Variants in PCCA observed in about 807,000 individuals in gnomAD.
PCCA encodes propionyl-CoA carboxylase subunit alpha, also known as propionyl-CoA carboxylase alpha chain, mitochondrial.
PCCA carries 74 observed loss-of-function variants against 101.3 expected under a neutral mutation model. The ratio of observed to expected loss-of-function variants is 0.73; its 90% CI spans 0.61 to 0.89. PCCA has a LOEUF of 0.89. PCCA is among the 40% of genes least tolerant of loss of function. The probability of loss-of-function intolerance (pLI) is 0.00; values close to 1 mark genes in which losing one functional copy is unlikely to be tolerated. For synonymous variants in PCCA, 294 were observed against 313.6 expected, an observed-to-expected ratio of 0.94 and a Z score of 0.66; for missense variants, 891 against 907.0, an observed-to-expected ratio of 0.98 and a Z score of 0.23.
In PCCA at chr13:100,283,514, C is replaced by T. The variant is rs193169109; in HGVS notation, c.1065+10168C>T. On this transcript the variant is annotated intron_variant, in intron 12 of 23. Transcript: ENST00000376285. Reference sequence around the variant, plus strand: ...GGAGGCCTTAAGAAAATATACTCCCCTGTCACCCGAATCACTTGAGGGTCA... The same window carrying T: ...GGAGGCCTTAAGAAAATATACTCCCTTGTCACCCGAATCACTTGAGGGTCA... Among the ~76,000 whole-genome samples the T allele has an allele frequency of 3.4e-3, 516 of 152,338 alleles. 4 individuals carry two copies. The highest frequency in any genetic ancestry group is 0.012 in the African/African-American group (497 of 41,572).
At chr13:100,175,421 T>G (rs1050009814) in intron 6 of PCCA, among the ~76,000 whole-genome samples, 6 of 152,234 alleles carry the variant, frequency 3.9e-5, no homozygotes, top group African/African-American at 1.2e-4. Flanking sequence ...CAATTTATAT[T>G]TGTCTTAACT....
At chr13:100,437,266 A>G (rs1009152892) in intron 20 of PCCA, among the ~76,000 whole-genome samples, 4 of 152,206 alleles carry the variant, frequency 2.6e-5, no homozygotes, top group Admixed American at 2.0e-4. Flanking sequence ...TCTGACTTCA[A>G]GAAAATCATA....
intron 19 of PCCA, among the ~76,000 whole-genome samples, chr13:100,386,622 C>T (rs1408445668): frequency 5.3e-5 from 8 of 152,196 alleles, no homozygotes; most frequent in Non-Finnish European, 1.2e-4. Flanking sequence ...ACGTCGTGAT[C>T]CACCCGCCTC....
chr13:100,237,918 A>G (rs956659475), intron 8 of PCCA, among the ~76,000 whole-genome samples: 2 of 142,680 alleles, frequency 1.4e-5, no homozygotes, highest in Non-Finnish European at 3.0e-5. Context: ...CTTTTCTTCC[A>G]CTTTCTTTCT....
chr13:100,442,188 T>G (rs1022039737), intron 20 of PCCA, among the ~76,000 whole-genome samples: 1 of 151,986 alleles, frequency 6.6e-6, no homozygotes, highest in African/African-American at 2.4e-5. Context: ...GAGGCAGGAT[T>G]TCACCATGTT....
At chr13:100,467,673 A>G (rs1414075601) in intron 21 of PCCA, among the ~76,000 whole-genome samples, 1 of 152,150 alleles carries the variant, frequency 6.6e-6, no homozygotes, top group Non-Finnish European at 1.5e-5. Flanking sequence ...CCTGGCATCA[A>G]GTTTGATTGT....
intron 6 of PCCA, among the ~76,000 whole-genome samples, chr13:100,167,418 CA>C (rs1476881574): frequency 6.6e-6 from 1 of 151,952 alleles, no homozygotes; most frequent in Non-Finnish European, 1.5e-5. Flanking sequence ...GGCTTGGTGG[CA>C]TGCAGCTGTA....
intron 6 of PCCA, among the ~76,000 whole-genome samples, chr13:100,205,249 C>T (rs893464411): frequency 1.3e-5 from 2 of 152,148 alleles, no homozygotes; most frequent in Non-Finnish European, 2.9e-5. Context: ...GCTGCCTGGT[C>T]AAGAACTGAA....
chr13:100,261,342 G>A (rs564360432), intron 9 of PCCA, among the ~76,000 whole-genome samples: 6 of 151,314 alleles, frequency 4.0e-5, no homozygotes, highest in Non-Finnish European at 5.9e-5. Context: ...AGGCAAGCAA[G>A]TTTGGGTTTT....
At chr13:100,285,378 C>T (rs2064525113) in intron 12 of PCCA, among the ~76,000 whole-genome samples, 1 of 152,148 alleles carries the variant, frequency 6.6e-6, no homozygotes, top group South Asian at 2.1e-4. Flanking sequence ...ACAGAGAGAG[C>T]CGGGATAGCT....
chr13:100,273,126 T>C (rs2063408567), intron 11 of PCCA, 70 bp from the exon 12 acceptor site: 1 of 1,124,558 alleles, frequency 8.9e-7, no homozygotes. Flanking sequence ...AGAAAATGTT[T>C]ATGTAATGCA....
chr13:100,428,537 A>G (rs1474045623), intron 20 of PCCA, among the ~76,000 whole-genome samples: 3 of 151,906 alleles, frequency 2.0e-5, no homozygotes, highest in Admixed American at 6.5e-5. Context: ...TTCCCCCACT[A>G]TGCTATAGTA....
chr13:100,247,618 A>G (rs564680448), intron 8 of PCCA, among the ~76,000 whole-genome samples: 7 of 147,084 alleles, frequency 4.8e-5, no homozygotes, highest in Non-Finnish European at 1.0e-4. Flanking sequence ...GGTTCAAGCA[A>G]TTCTCCTGCC....
At chr13:100,455,598 G>A (rs896790881) in intron 21 of PCCA, among the ~76,000 whole-genome samples, 4 of 152,160 alleles carry the variant, frequency 2.6e-5, no homozygotes, top group Non-Finnish European at 5.9e-5. Flanking sequence ...TGCTACTCAT[G>A]GATAATTGGG....
At chr13:100,172,590 G>C (rs546196243) in intron 6 of PCCA, among the ~76,000 whole-genome samples, 1 of 152,172 alleles carries the variant, frequency 6.6e-6, no homozygotes, top group South Asian at 2.1e-4. Context: ...AAAAGCAATA[G>C]AAGTTTTAAA....
At chr13:100,150,582 G>C (rs148200479) in intron 4 of PCCA, 1 of 1,213,370 alleles carries the variant, frequency 8.2e-7, no homozygotes, top group African/African-American at 1.5e-5. Context: ...CCAAGGGCCA[G>C]GGCTCTTTTG....
At chr13:100,206,063 GA>G (rs1019058305) in intron 6 of PCCA, among the ~76,000 whole-genome samples, 12 of 151,950 alleles carry the variant, frequency 7.9e-5, no homozygotes, top group African/African-American at 2.9e-4. Context: ...ATTTGCATAA[GA>G]TTTTTTTTTT....
chr13:100,442,620 T>G (rs1225007792), intron 20 of PCCA, among the ~76,000 whole-genome samples: 1 of 152,192 alleles, frequency 6.6e-6, no homozygotes. Context: ...TGTTCTAGAC[T>G]CTGCAGATAG....
At position 100,223,472 on chromosome 13, in the gene PCCA, G is replaced by A. The variant is rs928674653; in HGVS notation, c.601-12370G>A. ...ACGTCTGGAGTTGTTCGTTCCTCCC[G>A]GTGGGCTTGTGGTCTCGCTGGCTTC... On this transcript the variant is annotated intron_variant, in intron 7 of 23. Transcript: ENST00000376285. Among the ~76,000 whole-genome samples the A allele has an allele frequency of 5.3e-5, 8 of 152,088 alleles. No homozygotes were observed. In the East Asian group the frequency reaches 5.8e-4, roughly 11 times the overall value.
Sources: allele counts gnomAD v4.1 joint callset (sites outside exome capture counted in the v4.1 genomes callset), GRCh38; gene constraint gnomAD v4.1.1; transcripts MANE v1.5; gene names NCBI Gene and HGNC (gene_info 2026-07-23, HGNC 2026-07-21).